GPC1: variants seen among roughly 807,000 people sequenced by gnomAD.
The protein encoded by GPC1 is glypican-1.
In GPC1, 26 loss-of-function variants were observed where a neutral mutation model predicts 51.5. That is an observed-to-expected ratio of 0.50 (90% confidence interval 0.37 to 0.70). The LOEUF is 0.70. Ranked by LOEUF, GPC1 falls within the 30% of genes least tolerant of loss-of-function variation. GPC1 has a pLI of 0.00. For missense variants in GPC1, 775 were observed against 800.5 expected (o/e 0.97, Z 0.38); for synonymous variants, 380 against 348.3 (o/e 1.09, Z -1.01).
At chr2:240,456,106 G>C (rs1450524234) in intron 1 of GPC1, 1 of 287,038 alleles carries the variant, frequency 3.5e-6, no homozygotes, top group African/African-American at 2.3e-5. Context: ...CAGGTCGCCG[G>C]GCCGGCTGGG....
intron 1 of GPC1, among the ~76,000 whole-genome samples, chr2:240,436,655 C>T (rs1382615759): frequency 1.3e-5 from 2 of 152,264 alleles, no homozygotes; most frequent in Non-Finnish European, 2.9e-5. Flanking sequence ...ATAAGCTGAC[C>T]CCCTCGGGGG....
rs374066846 is a variant in GPC1 at position 240,449,025 on chromosome 2, G to A, written c.167-10005G>A. Among the ~76,000 whole-genome samples the A allele has an allele frequency of 2.0e-5, 3 of 152,122 alleles. No homozygotes were observed. In the East Asian group the frequency reaches 5.8e-4, roughly 29 times the overall value. On this transcript the variant is annotated intron_variant, in intron 1 of 8. Transcript: ENST00000264039. ...TTAGGGAGAAGTCTGAGACCTGGGG[G>A]GGAAGCCACCTAACCTCCGTGAGCC...
intron 4 of GPC1, chr2:240,464,381 TG>T: frequency 1.9e-6 from 1 of 534,482 alleles, no homozygotes; most frequent in Non-Finnish European, 3.4e-6. Context: ...TCTGTGTATG[TG>T]CGTGTTCACC....
intron 4 of GPC1, chr2:240,463,738 T>C: frequency 1.8e-6 from 1 of 565,984 alleles, no homozygotes; most frequent in South Asian, 2.3e-5. Flanking sequence ...GAGGGAGCCC[T>C]GTGGGGTCAT....
chr2:240,436,829 C>T (rs776937861), intron 1 of GPC1, among the ~76,000 whole-genome samples: 58 of 152,362 alleles, frequency 3.8e-4, no homozygotes, highest in Non-Finnish European at 6.8e-4. Context: ...CGTTGGATCC[C>T]GCCCAGGGGC....
Position 240,466,602 on chromosome 2 carries a change from C to A in GPC1, c.*312C>A. Reference sequence around the variant, plus strand: ...GCTCCCTGCACCGCCGCAGAAGCAGCCCCTCGAGGCCTACAGAGGAGGCCT... The same window carrying A: ...GCTCCCTGCACCGCCGCAGAAGCAGACCCTCGAGGCCTACAGAGGAGGCCT... On this transcript the variant is annotated 3_prime_UTR_variant, in exon 9 of 9. Transcript: ENST00000264039. The A allele has an allele frequency of 2.7e-6, 1 of 369,664 alleles. No homozygotes were observed. Among genetic ancestry groups the A allele is most frequent in the Non-Finnish European group, 4.9e-6 (1 of 204,380 alleles). 22.9% of individuals were successfully genotyped at this position (369,664 alleles called of 1,614,324 possible). A position where few individuals can be genotyped will look rare whatever the true frequency, so the allele number is the denominator to read the frequency against.
At chr2:240,455,084 G>C (rs577489506) in intron 1 of GPC1, 2 of 169,734 alleles carry the variant, frequency 1.2e-5, no homozygotes, top group African/African-American at 4.8e-5. Flanking sequence ...GTCCAGAACC[G>C]TCAGGATCGG....
chr2:240,463,760 C>T lies in GPC1; in HGVS notation c.883+248C>T, dbSNP rs2074236895. 13 of 545,640 alleles carry T rather than the reference C, an allele frequency of 2.4e-5. No homozygotes were observed. The South Asian group carries it at 2.4e-4, about 10-fold the overall frequency. The allele number at this position is 545,640 out of a possible 1,614,324, so 33.8% of individuals were successfully genotyped here. Reference sequence around the variant, plus strand: ...CCCTGTGGGGTCATAGTTTCTTGTCCTTCCCCACTTAGCAAGCACCTCGGT... The same window carrying T: ...CCCTGTGGGGTCATAGTTTCTTGTCTTTCCCCACTTAGCAAGCACCTCGGT... On this transcript the variant is annotated intron_variant, in intron 4 of 8. Coordinates refer to ENST00000264039, the MANE Select transcript of GPC1 (RefSeq NM_002081.3).
chr2:240,462,700 A>C, intron 3 of GPC1, 118 bp downstream of exon 3: 1 of 903,932 alleles, frequency 1.1e-6, no homozygotes, highest in South Asian at 1.9e-5. Flanking sequence ...CCAGCCTCTG[A>C]CCTCAGCCCC....
At position 240,466,107 on chromosome 2, in the gene GPC1, C is replaced by T. The variant is rs1333403376; in HGVS notation, c.1494C>T (p.Leu498=). 4 of 1,612,774 alleles carry T rather than the reference C, an allele frequency of 2.5e-6. No individual in the cohort carries two copies. The highest frequency in any genetic ancestry group is 3.4e-6 in the Non-Finnish European group (4 of 1,179,848). ...GCGGTGATGGCTGTCTGGATGACCTCTGCAGCCGGAAGGTCAGCAGGAAGA... is the reference window on the plus strand; with the variant it reads ...GCGGTGATGGCTGTCTGGATGACCTTTGCAGCCGGAAGGTCAGCAGGAAGA... The part of the protein sequence containing the change: ...SGSGDGCLDD[L]CSRKVSRKSS... Residue 498 remains leucine, a synonymous_variant, in exon 9 of 9, where the codon CTC becomes CTT. Transcript: ENST00000264039.
intron 1 of GPC1, chr2:240,453,093 C>A: frequency 3.4e-6 from 1 of 295,224 alleles, no homozygotes; most frequent in Non-Finnish European, 6.6e-6. Context: ...GTACCCGCAT[C>A]CGCAGGCGCG....
At chr2:240,455,731 C>T (rs2074152868) in intron 1 of GPC1, among the ~76,000 whole-genome samples, 1 of 152,202 alleles carries the variant, frequency 6.6e-6, no homozygotes, top group African/African-American at 2.4e-5. Flanking sequence ...GGCCCCAGCC[C>T]CTGGCATTCT....
chr2:240,453,563 G>T (rs1419506002), intron 1 of GPC1, among the ~76,000 whole-genome samples: 1 of 94,996 alleles, frequency 1.1e-5, no homozygotes, highest in Non-Finnish European at 2.0e-5. Context: ...CCCCGTGCCT[G>T]CCGCACCCGC....
Position 240,462,234 on chromosome 2 carries a change from G to A in GPC1, c.369G>A (p.Gln123=). 6.2e-7 allele frequency: 1 copy of A among 1,610,422 alleles called. No homozygotes were observed. ...HLLNDSERTL[Q]ATFPGAFGEL... is the part of the protein sequence containing the mutation. ...TGAACGACTCGGAGCGGACGCTGCAGGCCACCTTCCCCGGCGCCTTCGGAG... is the reference window on the plus strand; with the variant it reads ...TGAACGACTCGGAGCGGACGCTGCAAGCCACCTTCCCCGGCGCCTTCGGAG... Residue 123 remains glutamine (Q), a synonymous_variant, in exon 3 of 9, where the codon CAG becomes CAA. Coordinates refer to ENST00000264039, the MANE Select transcript of GPC1 (RefSeq NM_002081.3).
intron 1 of GPC1, among the ~76,000 whole-genome samples, chr2:240,443,275 G>A (rs897694033): frequency 6.6e-6 from 1 of 152,272 alleles, no homozygotes; most frequent in Non-Finnish European, 1.5e-5. Flanking sequence ...TCTCCCACTT[G>A]TCAGGGGGCA....
chr2:240,439,646 A>G (rs1002485251), intron 1 of GPC1, among the ~76,000 whole-genome samples: 19 of 152,080 alleles, frequency 1.2e-4, no homozygotes, highest in African/African-American at 4.6e-4. Context: ...TCTCCTTCCC[A>G]CATCCCTGAA....
Position 240,462,530 on chromosome 2 carries a change from C to T in GPC1, c.665C>T (p.Ser222Phe). 2 of 1,577,038 alleles carry T rather than the reference C, an allele frequency of 1.3e-6. No individual in the cohort carries two copies. The highest frequency in any genetic ancestry group is 2.3e-5 in the South Asian group (2 of 88,682). Residue 222 changes from serine to phenylalanine, a missense_variant, in exon 3 of 9, where the codon TCC becomes TTC. Physicochemically the swap from Ser to Phe is radical, Grantham distance 155 (BLOSUM62 -2). Coordinates refer to ENST00000264039, the MANE Select transcript of GPC1 (RefSeq NM_002081.3). ...ACCCGTGCCTTCGTGGCTGCTCGCT[C>T]CTTTGTGCAGGGCCTGGGCGTGGCC... ...RATRAFVAARSFVQGLGVASD... is the reference protein window; with the variant it reads ...RATRAFVAARFFVQGLGVASD...
chr2:240,459,005 C>G (rs752221041), intron 1 of GPC1, 25 bp from the exon 2 acceptor site: 23 of 1,608,470 alleles, frequency 1.4e-5, no homozygotes, highest in Non-Finnish European at 2.0e-5. Flanking sequence ...CAGCCCCTCT[C>G]CCTCACACTG....
chr2:240,455,888 TTGAC>T (rs928094750), intron 1 of GPC1: 2 of 300,090 alleles, frequency 6.7e-6, no homozygotes, highest in African/African-American at 2.4e-5. Context: ...CCTCCTGCCT[TTGAC>T]TGCCGTGCGT....
Sources: allele counts gnomAD v4.1 joint callset (sites outside exome capture counted in the v4.1 genomes callset), GRCh38; gene constraint gnomAD v4.1.1; transcripts MANE v1.5; gene names NCBI Gene and HGNC (gene_info 2026-07-23, HGNC 2026-07-21).